The following USP54 variants were observed in gnomAD, a reference collection of about 807,000 sequenced individuals.
The protein encoded by USP54 is ubiquitin carboxyl-terminal hydrolase 54.
A neutral mutation model predicts 170.5 loss-of-function variants in USP54; 87 were observed. That is an observed-to-expected ratio of 0.51 (90% confidence interval 0.43 to 0.61). The LOEUF (loss-of-function observed/expected upper bound fraction) is 0.61. USP54 is among the 20% of genes least tolerant of loss of function. The pLI is 0.00. For missense variants in USP54, 1,786 were observed against 2,047.8 expected (o/e 0.87, Z 2.47); for synonymous variants, 655 against 742.8 (o/e 0.88, Z 1.92).
intron 4 of USP54, among the ~76,000 whole-genome samples, chr10:73,559,218 C>T (rs1435800546): frequency 3.9e-5 from 6 of 152,030 alleles, no homozygotes; most frequent in Non-Finnish European, 7.4e-5. Context: ...GTTGGGAGCT[C>T]AAGACCAGCC....
At chr10:73,576,954 T>A (rs1439812190) in intron 1 of USP54, among the ~76,000 whole-genome samples, 1 of 152,206 alleles carries the variant, frequency 6.6e-6, no homozygotes, top group East Asian at 1.9e-4. Flanking sequence ...TGCCAGAGGA[T>A]CAGAGAGATA....
In USP54 at chr10:73,539,050, G is replaced by A. The variant is rs1047954822; in HGVS notation, c.975+394C>T. Reference sequence around the variant, plus strand: ...AATTCCAGCACTTTGGGAGGCTGAGGTAGGCGGATCACAAGGTCAGGAGTT... The same window carrying A: ...AATTCCAGCACTTTGGGAGGCTGAGATAGGCGGATCACAAGGTCAGGAGTT... On this transcript the variant is annotated intron_variant, in intron 10 of 23. Coordinates refer to ENST00000687698, the MANE Select transcript of USP54 (RefSeq NM_001391956.1). 2.8e-4 allele frequency among the ~76,000 whole-genome samples: 42 copies of A among 152,144 alleles called. No homozygotes were observed. In the East Asian group the frequency reaches 5.6e-3, roughly 20 times the overall value.
At chr10:73,542,053 C>T (rs539275876) in intron 7 of USP54, among the ~76,000 whole-genome samples, 43 of 152,242 alleles carry the variant, frequency 2.8e-4, no homozygotes, top group Middle Eastern at 3.4e-3. Flanking sequence ...TACAATATAG[C>T]ACAGATTCAG....
intron 3 of USP54, among the ~76,000 whole-genome samples, chr10:73,574,250 G>A (rs1430397182): frequency 6.6e-6 from 1 of 152,076 alleles, no homozygotes; most frequent in African/African-American, 2.4e-5. Context: ...CAACTTAAGG[G>A]AATTCACTTT....
intron 12 of USP54, among the ~76,000 whole-genome samples, chr10:73,534,083 T>C (rs1311485898): frequency 6.6e-6 from 1 of 152,274 alleles, no homozygotes; most frequent in Non-Finnish European, 1.5e-5. Context: ...GACAGGAGTA[T>C]GTGCAATGGA....
At chr10:73,564,130 T>G (rs1036093191) in intron 4 of USP54, among the ~76,000 whole-genome samples, 1 of 152,096 alleles carries the variant, frequency 6.6e-6, no homozygotes, top group African/African-American at 2.4e-5. Context: ...GCCTCCCAAG[T>G]AGCTGGGCCG....
chr10:73,596,915 A>C (rs2078784843), intron 1 of USP54, among the ~76,000 whole-genome samples: 1 of 152,156 alleles, frequency 6.6e-6, no homozygotes, highest in African/African-American at 2.4e-5. Context: ...AAAAAGAATC[A>C]TACACTAAAG....
In USP54 at chr10:73,517,262, C is replaced by CA; in HGVS notation, c.3163dup (p.Cys1055LeufsTer2). On this transcript the variant is annotated frameshift_variant, in exon 20 of 24. Coordinates refer to ENST00000687698, the MANE Select transcript of USP54 (RefSeq NM_001391956.1). LOFTEE classifies it high-confidence loss of function. ...CTGAGCTGATGAATTTGAAGGACTA[C>CA]AGCCTAGGCTGTGTTCATCACCCCT... The CA allele has an allele frequency of 1.9e-6, 3 of 1,614,006 alleles. No individual in the cohort carries two copies. The highest frequency in any genetic ancestry group is 2.5e-6 in the Non-Finnish European group (3 of 1,179,884).
chr10:73,580,886 T>C (rs2076821988), intron 1 of USP54, among the ~76,000 whole-genome samples: 1 of 152,142 alleles, frequency 6.6e-6, no homozygotes, highest in South Asian at 2.1e-4. Context: ...GCATCTATTA[T>C]ATTTAGTACA....
chr10:73,587,439 C>T (rs773912964), intron 1 of USP54, among the ~76,000 whole-genome samples: 2 of 151,880 alleles, frequency 1.3e-5, no homozygotes, highest in Non-Finnish European at 2.9e-5. Context: ...TGCGCCACTG[C>T]ACTCCAGCCT....
chr10:73,507,782 A>G (rs754779396), intron 20 of USP54, among the ~76,000 whole-genome samples: 60 of 151,650 alleles, frequency 4.0e-4, no homozygotes, highest in Non-Finnish European at 8.2e-4. Context: ...GAGCCTAGGA[A>G]TTCAAGACCA....
At chr10:73,620,307 C>T (rs1271037086) in intron 1 of USP54, among the ~76,000 whole-genome samples, 2 of 142,362 alleles carry the variant, frequency 1.4e-5, no homozygotes, top group African/African-American at 5.7e-5. Flanking sequence ...AGCGAGACTC[C>T]ATCTCAAAAA....
At chr10:73,608,319 T>A (rs1166461885) in intron 1 of USP54, among the ~76,000 whole-genome samples, 2 of 152,256 alleles carry the variant, frequency 1.3e-5, no homozygotes, top group East Asian at 1.9e-4. Context: ...CTCATTTCCC[T>A]ACGTTTCCCT....
At chr10:73,606,435 A>G (rs2079637471) in intron 1 of USP54, 1 of 152,134 alleles carries the variant, frequency 6.6e-6, no homozygotes, top group Non-Finnish European at 1.5e-5. Flanking sequence ...GTTCGAGTAC[A>G]GCCTGGGCAA....
intron 20 of USP54, among the ~76,000 whole-genome samples, chr10:73,510,744 C>T (rs1030231519): frequency 5.3e-5 from 8 of 152,094 alleles, no homozygotes; most frequent in Admixed American, 1.3e-4. Context: ...TCACTGTGCC[C>T]GGCCTACTCT....
chr10:73,504,725 G>T, intron 22 of USP54, 125 bp downstream of exon 22: 1 of 1,250,452 alleles, frequency 8.0e-7, no homozygotes, highest in Non-Finnish European at 1.1e-6. Context: ...CCTTATTTTT[G>T]CTGAGTACAC....
chr10:73,599,445 CAA>C (rs758862409), intron 1 of USP54, among the ~76,000 whole-genome samples: 14 of 152,124 alleles, frequency 9.2e-5, no homozygotes, highest in Non-Finnish European at 1.6e-4. Context: ...TGAATTTTCC[CAA>C]GATTTAACAA....
Position 73,504,949 on chromosome 10 carries a change from A to C in USP54, c.4212T>G (p.Asp1404Glu). 6.2e-7 allele frequency: 1 copy of C among 1,614,098 alleles called. No homozygotes were observed. Among genetic ancestry groups the C allele is most frequent in the Non-Finnish European group, 8.5e-7 (1 of 1,180,020 alleles). The change falls in exon 22 of 24, where the codon GAT becomes GAG. Residue 1404 changes from aspartate (D) to glutamate (E), a missense_variant. Asp to Glu is a conservative substitution (Grantham distance 45, BLOSUM62 2). Around this residue, in one of 3 missense-constraint regions of USP54, gnomAD observed 1,418 missense variants for 1,569.0 expected, o/e 0.90. Transcript: ENST00000687698. The stretch of plus-strand genomic sequence containing the variant: ...GTAAATTCTCTGCACTGTACTGCTC[A>C]TCCTCCCCACACTCCCTGCTGAGGC... ...CRGLSRECGEDEQYSAENLRR... is the reference protein window; with the variant it reads ...CRGLSRECGEEEQYSAENLRR...
Position 73,530,232 on chromosome 10 carries a change from C to T in USP54, c.1739G>A (p.Arg580Gln), listed in dbSNP as rs766032494. The T allele has an allele frequency of 1.9e-6, 3 of 1,614,040 alleles. No homozygotes were observed. The highest frequency in any genetic ancestry group is 1.3e-5 in the African/African-American group (1 of 74,928). The change falls in exon 14 of 24, where the codon CGA (arginine) becomes CAA (glutamine). Residue 580 changes from arginine to glutamine, a missense_variant. Transcript: ENST00000687698. Reference sequence around the variant, plus strand: ...GATACTGTCAATATTCAGAGATTCTCGTTTGGGTCTCCATGTGGGACGATA... The same window carrying T: ...GATACTGTCAATATTCAGAGATTCTTGTTTGGGTCTCCATGTGGGACGATA... Reference protein sequence around the residue: ...SKYRPTWRPKRESLNIDSIFS... With the variant: ...SKYRPTWRPKQESLNIDSIFS...
Sources: gnomAD v4.1 joint callset for allele counts (sites outside exome capture counted in the v4.1 genomes callset) on GRCh38, gnomAD v4.1.1 for gene constraint, gnomAD v4.1.1 regional missense constraint, MANE v1.5 for transcripts, NCBI Gene and HGNC (gene_info 2026-07-23, HGNC 2026-07-21) for gene names.